Variants in CNIH3 observed in about 807,000 individuals in gnomAD.
CNIH3 encodes the protein protein cornichon homolog 3.
A neutral mutation model predicts 24.1 loss-of-function variants in CNIH3; 14 were observed. The ratio of observed to expected loss-of-function variants is 0.58; its 90% CI spans 0.38 to 0.91. CNIH3 has a LOEUF of 0.91. CNIH3 is among the 40% of genes least tolerant of loss of function. The pLI is 0.00. For synonymous variants in CNIH3, 68 were observed against 73.8 expected (o/e 0.92, Z 0.40); for missense variants, 178 against 196.8 (o/e 0.90, Z 0.57).
At chr1:224,516,942 C>T (rs1388992340) in intron 1 of CNIH3, among the ~76,000 whole-genome samples, 1 of 152,110 alleles carries the variant, frequency 6.6e-6, no homozygotes, top group African/African-American at 2.4e-5. Context: ...CACCCACTTC[C>T]CCAGCTCTGC....
intron 1 of CNIH3, among the ~76,000 whole-genome samples, chr1:224,660,222 G>A (rs1484271441): frequency 3.3e-5 from 5 of 152,144 alleles, no homozygotes; most frequent in African/African-American, 7.2e-5. Context: ...TTACAATCAC[G>A]GTGGAAGACA....
intron 1 of CNIH3, among the ~76,000 whole-genome samples, chr1:224,474,782 C>A (rs181451548): frequency 6.6e-6 from 1 of 152,182 alleles, no homozygotes; most frequent in African/African-American, 2.4e-5. Flanking sequence ...AATCCCAGCA[C>A]TTTGGGAGGC....
At chr1:224,518,522 G>C (rs535644979) in intron 1 of CNIH3, among the ~76,000 whole-genome samples, 30 of 151,454 alleles carry the variant, frequency 2.0e-4, no homozygotes, top group Admixed American at 4.6e-4. Context: ...TTTAGAGACA[G>C]GGTCTTGCTA....
intron 3 of CNIH3, among the ~76,000 whole-genome samples, chr1:224,718,483 G>A (rs1412716031): frequency 2.0e-5 from 3 of 152,208 alleles, no homozygotes; most frequent in Non-Finnish European, 4.4e-5. Context: ...ATCGTAAGGA[G>A]TTTGGATTTC....
At chr1:224,681,335 A>G (rs1208851052) in intron 2 of CNIH3, among the ~76,000 whole-genome samples, 4 of 152,172 alleles carry the variant, frequency 2.6e-5, no homozygotes, top group Non-Finnish European at 5.9e-5. Flanking sequence ...ACAAGAAAAG[A>G]GGCTCCATGT....
chr1:224,710,180 A>T (rs1444077344), intron 3 of CNIH3, among the ~76,000 whole-genome samples: 1 of 152,242 alleles, frequency 6.6e-6, no homozygotes, highest in African/African-American at 2.4e-5. Context: ...ATTGCTTTAC[A>T]GCATGTTCGT....
intron 1 of CNIH3, among the ~76,000 whole-genome samples, chr1:224,459,837 G>A (rs993492836): frequency 6.6e-6 from 1 of 151,268 alleles, no homozygotes; most frequent in Non-Finnish European, 1.5e-5. Flanking sequence ...CAGTTCCCCT[G>A]CACACCCTGG....
At chr1:224,700,678 C>T (rs186910842) in intron 3 of CNIH3, among the ~76,000 whole-genome samples, 14 of 152,266 alleles carry the variant, frequency 9.2e-5, no homozygotes, top group Admixed American at 8.5e-4. Context: ...ATACTTTCTC[C>T]CATCATTCTC....
At chr1:224,611,435 A>G (rs972966739), upstream of CNIH3, 9 of 152,200 alleles carry the variant, frequency 5.9e-5, 1 homozygote, top group African/African-American at 2.2e-4. Context: ...GTCTCTTTCA[A>G]TAAGAAGTCA....
At chr1:224,575,907 G>A (rs1681016873) in intron 4 of CNIH3, among the ~76,000 whole-genome samples, 1 of 152,152 alleles carries the variant, frequency 6.6e-6, no homozygotes, top group African/African-American at 2.4e-5. Context: ...CTCAGGTCAT[G>A]TTTGGGTGCA....
intron 1 of CNIH3, among the ~76,000 whole-genome samples, chr1:224,455,651 A>T (rs1257970336): frequency 6.6e-6 from 1 of 151,986 alleles, no homozygotes; most frequent in Non-Finnish European, 1.5e-5. Context: ...GCTTAGTCTG[A>T]CCCTACTCAG....
At chr1:224,694,722 G>A (rs1223746333) in intron 3 of CNIH3, among the ~76,000 whole-genome samples, 1 of 152,178 alleles carries the variant, frequency 6.6e-6, no homozygotes, top group Non-Finnish European at 1.5e-5. Context: ...AATGTGGCAT[G>A]TATACACCAT....
chr1:224,443,693 A>C (rs1424273899), intron 1 of CNIH3, among the ~76,000 whole-genome samples: 7 of 109,432 alleles, frequency 6.4e-5, no homozygotes, highest in African/African-American at 4.2e-4. Flanking sequence ...ATATCTATAG[A>C]TATAGATATA....
intron 3 of CNIH3, among the ~76,000 whole-genome samples, chr1:224,687,425 T>C (rs937356449): frequency 4.6e-5 from 7 of 151,928 alleles, no homozygotes; most frequent in Non-Finnish European, 8.8e-5. Flanking sequence ...TAGAGATGGG[T>C]TCTTGCTTTG....
rs191024714 is a variant in CNIH3 at position 224,503,491 on chromosome 1, T to C, written n.204-12250T>C. On this transcript the variant is annotated intron_variant and non_coding_transcript_variant, in intron 1 of 5. Coordinates refer to the CNIH3 transcript ENST00000471578. Reference sequence around the variant, plus strand: ...GGTGGCTCCCCTGCAGGAGGAGGGCTGTCGCTGCTGTCTGCAACCCCACCG... The same window carrying C: ...GGTGGCTCCCCTGCAGGAGGAGGGCCGTCGCTGCTGTCTGCAACCCCACCG... Among the ~76,000 whole-genome samples the C allele has an allele frequency of 8.0e-4, 122 of 152,310 alleles. 1 individual carries two copies. The East Asian group carries it at 0.02, about 25-fold the overall frequency.
chr1:224,666,665 C>T (rs1383240019), intron 1 of CNIH3, among the ~76,000 whole-genome samples: 1 of 152,168 alleles, frequency 6.6e-6, no homozygotes, highest in African/African-American at 2.4e-5. Flanking sequence ...TGTCTTTATA[C>T]AGAAGGAGTC....
At chr1:224,689,332 A>G (rs1572727517) in intron 3 of CNIH3, among the ~76,000 whole-genome samples, 3 of 152,296 alleles carry the variant, frequency 2.0e-5, no homozygotes, top group East Asian at 3.9e-4. Flanking sequence ...AAATGTTATT[A>G]TTATCATCCT....
At chr1:224,443,711 A>ATATTTT (rs1329474503) in intron 1 of CNIH3, among the ~76,000 whole-genome samples, 26 of 149,454 alleles carry the variant, frequency 1.7e-4, no homozygotes, top group Admixed American at 1.3e-3. Context: ...ATATATATAT[A>ATATTTT]TTTTTTTAGG....
chr1:224,470,049 C>T (rs1291134750), intron 1 of CNIH3, among the ~76,000 whole-genome samples: 2 of 150,498 alleles, frequency 1.3e-5, no homozygotes, highest in African/African-American at 2.4e-5. Flanking sequence ...GACAGAGTCT[C>T]GCTTTGTTGC....
Sources: allele counts gnomAD v4.1 joint callset (sites outside exome capture counted in the v4.1 genomes callset), GRCh38; gene constraint gnomAD v4.1.1; transcripts MANE v1.5; gene names NCBI Gene and HGNC (gene_info 2026-07-23, HGNC 2026-07-21).